KLF8: variants seen among roughly 807,000 people sequenced by gnomAD.
The protein encoded by KLF8 is Krueppel-like factor 8.
A neutral mutation model predicts 18.2 loss-of-function variants in KLF8; 10 were observed. The observed-to-expected ratio is 0.55, with a 90% CI of 0.34 to 0.93. The LOEUF (loss-of-function observed/expected upper bound fraction) is 0.93. Among genes scored for constraint, KLF8 ranks in the 40% least tolerant of loss-of-function variants. The pLI is 0.02. For missense variants in KLF8, 264 were observed against 277.9 expected (o/e 0.95, Z 0.36); for synonymous variants, 109 against 97.3 (o/e 1.12, Z -0.71).
upstream of KLF8, among the ~76,000 whole-genome samples, chrX:56,229,301 C>G (rs1455737265): frequency 1.8e-5 from 2 of 111,553 alleles, no homozygotes; most frequent in East Asian, 5.6e-4. Flanking sequence ...TCATTAGGTT[C>G]CACACTTAAT....
At chrX:56,078,582 A>T in the KLF8 span, among the ~76,000 whole-genome samples, 1 of 111,813 alleles carries the variant, frequency 8.9e-6, no homozygotes, top group Non-Finnish European at 1.9e-5. Context: ...ATGTTCATCA[A>T]GGATATTGGT....
At chrX:56,160,027 G>A in the KLF8 span, among the ~76,000 whole-genome samples, 4 of 111,822 alleles carry the variant, frequency 3.6e-5, no homozygotes, top group Non-Finnish European at 3.8e-5. Flanking sequence ...TGGGCATTTA[G>A]TGCTATAAAT....
the KLF8 span, among the ~76,000 whole-genome samples, chrX:55,968,374 C>A: frequency 1.8e-5 from 2 of 111,977 alleles, no homozygotes; most frequent in African/African-American, 6.5e-5. Flanking sequence ...TAGAAAGACA[C>A]ACGTAGACTG....
the KLF8 span, among the ~76,000 whole-genome samples, chrX:56,157,933 G>A: frequency 8.9e-6 from 1 of 111,919 alleles, no homozygotes; most frequent in African/African-American, 3.2e-5. Context: ...TGTTGCCATT[G>A]CTTTTGGTGT....
At chrX:56,249,227 C>A (rs2066669358) in intron 1 of KLF8, among the ~76,000 whole-genome samples, 1 of 112,486 alleles carries the variant, frequency 8.9e-6, no homozygotes, top group Non-Finnish European at 1.9e-5. Flanking sequence ...AGATTCAGAG[C>A]AACTCTGGGG....
chrX:55,995,734 T>G, the KLF8 span, among the ~76,000 whole-genome samples: 4 of 112,241 alleles, frequency 3.6e-5, no homozygotes. Flanking sequence ...GTAGGATTTC[T>G]GCTGAAACTT....
At chrX:56,064,138 C>T in the KLF8 span, among the ~76,000 whole-genome samples, 1 of 101,183 alleles carries the variant, frequency 9.9e-6, no homozygotes, top group African/African-American at 4.0e-5. Flanking sequence ...TATGTATATA[C>T]ATATATATGT....
At chrX:56,189,707 C>T in the KLF8 span, among the ~76,000 whole-genome samples, 1 of 109,408 alleles carries the variant, frequency 9.1e-6, no homozygotes, top group Non-Finnish European at 1.9e-5. Flanking sequence ...ATGATGAGTT[C>T]ATGTCCTTTG....
chrX:55,993,247 G>A, the KLF8 span, among the ~76,000 whole-genome samples: 1 of 111,446 alleles, frequency 9.0e-6, no homozygotes, highest in Non-Finnish European at 1.9e-5. Flanking sequence ...TCCATAGATT[G>A]CTGTTATTAT....
chrX:56,242,798 A>G, intron 1 of KLF8: 2 of 260,571 alleles, frequency 7.7e-6, no homozygotes, highest in Non-Finnish European at 1.4e-5. Context: ...TCTTTTTAAC[A>G]TCCTAGTTTG....
At chrX:56,186,853 A>T in the KLF8 span, among the ~76,000 whole-genome samples, 8 of 112,194 alleles carry the variant, frequency 7.1e-5, no homozygotes, top group Non-Finnish European at 1.3e-4. Flanking sequence ...AACATACCAG[A>T]ATCTCTGGGC....
the KLF8 span, among the ~76,000 whole-genome samples, chrX:56,223,685 A>G: frequency 8.9e-6 from 1 of 112,282 alleles, no homozygotes; most frequent in Admixed American, 9.4e-5. Context: ...CAAATACATA[A>G]CATACCTAAT....
the KLF8 span, among the ~76,000 whole-genome samples, chrX:55,958,062 T>C: frequency 8.9e-6 from 1 of 112,265 alleles, no homozygotes; most frequent in Non-Finnish European, 1.9e-5. Flanking sequence ...AATTAGCTTA[T>C]AATAATTTGA....
In KLF8 at chrX:56,289,863, T is replaced by C. The variant is rs2067305139; in HGVS notation, c.*5369T>C. On this transcript the variant is annotated 3_prime_UTR_variant, in exon 6 of 6. Coordinates refer to ENST00000468660, the MANE Select transcript of KLF8 (RefSeq NM_007250.5). ...CAAAGTGGTCTGCAAAATTCTGGAA[T>C]TAGGGATTTCTGTGATCTGAGTTCC... Among the ~76,000 whole-genome samples the C allele has an allele frequency of 9.0e-6, 1 of 111,529 alleles. No individual in the cohort carries two copies. Among genetic ancestry groups the C allele is most frequent in the Non-Finnish European group, 1.9e-5 (1 of 53,069 alleles).
chrX:55,933,112 ATTTGT>A, the KLF8 span, among the ~76,000 whole-genome samples: 1 of 109,645 alleles, frequency 9.1e-6, no homozygotes, highest in African/African-American at 3.3e-5. Flanking sequence ...CCTTGTTCTG[ATTTGT>A]TTTATCAGAG....
the KLF8 span, among the ~76,000 whole-genome samples, chrX:56,049,678 A>T: frequency 9.5e-6 from 1 of 105,772 alleles, no homozygotes; most frequent in Non-Finnish European, 1.9e-5. Context: ...CCAGTATTTT[A>T]TTGAGGATTT....
At chrX:56,173,000 C>A in the KLF8 span, among the ~76,000 whole-genome samples, 1 of 111,781 alleles carries the variant, frequency 8.9e-6, no homozygotes, top group South Asian at 3.7e-4. Flanking sequence ...TGGATATTAA[C>A]CCTTTGTCAG....
intron 5 of KLF8, among the ~76,000 whole-genome samples, chrX:56,277,954 A>G (rs1047464624): frequency 8.9e-6 from 1 of 112,612 alleles, no homozygotes; most frequent in African/African-American, 3.2e-5. Context: ...TACAGGGAGT[A>G]CTTCCAGGCT....
the KLF8 span, among the ~76,000 whole-genome samples, chrX:56,103,130 G>A: frequency 1.8e-5 from 2 of 110,057 alleles, no homozygotes; most frequent in African/African-American, 6.6e-5. Context: ...AGTATAGTTT[G>A]AAGTCAGGTA....
Sources: allele counts gnomAD v4.1 joint callset (sites outside exome capture counted in the v4.1 genomes callset), GRCh38; gene constraint gnomAD v4.1.1; transcripts MANE v1.5; gene names NCBI Gene and HGNC (gene_info 2026-07-23, HGNC 2026-07-21).